Variants in ENDOD1 observed in about 807,000 individuals in gnomAD.
ENDOD1 encodes endonuclease domain-containing 1 protein.
A neutral mutation model predicts 6.5 loss-of-function variants in ENDOD1; 9 were observed. That is an observed-to-expected ratio of 1.39 (90% CI 0.84 to 2.43). The LOEUF is 2.43. Among genes scored for constraint, ENDOD1 ranks in the 30% most tolerant of loss-of-function variants. ENDOD1 has a pLI of 0.00. For synonymous variants in ENDOD1, 255 were observed against 255.2 expected, an observed-to-expected ratio of 1.00 and a Z score of 0.01; for missense variants, 648 against 635.5, an observed-to-expected ratio of 1.02 and a Z score of -0.21.
rs899984148 is a variant in ENDOD1 at position 95,089,906 on chromosome 11, C to T, written c.-22C>T. The T allele has an allele frequency of 2.1e-5, 29 of 1,353,334 alleles. No homozygotes were observed. The highest frequency in any genetic ancestry group is 1.1e-4 in the African/African-American group (7 of 65,172). 83.8% of individuals were successfully genotyped at this position (1,353,334 alleles called of 1,614,324 possible). A position where few individuals can be genotyped will look rare whatever the true frequency, so the allele number is the denominator to read the frequency against. ...CCGCGGCAGCCCAGCCGCTCGGCCC[C>T]GCCGCGCTCGCAGAGGCCGCCATGG... On this transcript the variant is annotated 5_prime_UTR_variant, in exon 1 of 2. Transcript: ENST00000278505.
chr11:95,114,982 T>A (rs1859191659), intron 1 of ENDOD1, among the ~76,000 whole-genome samples: 1 of 152,244 alleles, frequency 6.6e-6, no homozygotes, highest in African/African-American at 2.4e-5. Flanking sequence ...TTCTGGGTCT[T>A]CTATGGTTCC....
rs936948850 is a variant in ENDOD1 at position 95,105,359 on chromosome 11, A to T, written c.300+15132A>T. ...ACTTGAAATCATCTGTAGATTACTT[A>T]TAATACCTGGTACAATGTAAATGCT... On this transcript the variant is annotated intron_variant, in intron 1 of 1. Coordinates refer to ENST00000278505, the MANE Select transcript of ENDOD1 (RefSeq NM_015036.3). Among the ~76,000 whole-genome samples the T allele has an allele frequency of 4.6e-5, 7 of 152,376 alleles. No homozygotes were observed. In the South Asian group the frequency reaches 1.2e-3, roughly 27 times the overall value.
chr11:95,121,987 CA>C (rs1183630778), intron 1 of ENDOD1, among the ~76,000 whole-genome samples: 2 of 152,072 alleles, frequency 1.3e-5, no homozygotes, highest in African/African-American at 2.4e-5. Flanking sequence ...GTGGTGTGTG[CA>C]AATGAGCAGG....
At position 95,128,627 on chromosome 11, in the gene ENDOD1, G is replaced by A. The variant is rs1422407923; in HGVS notation, c.551G>A (p.Arg184Gln). 33 of 1,614,156 alleles carry A rather than the reference G, an allele frequency of 2.0e-5. No homozygotes were observed. The highest frequency in any genetic ancestry group is 6.6e-5 in the South Asian group (6 of 91,082). ...WYVNLHSLMD[R>Q]ALTPQCGSGE... ...GTGAATCTCCACAGCCTAATGGACC[G>A]GGCTTTGACCCCACAGTGTGGCAGT... Residue 184 changes from arginine (R) to glutamine (Q), a missense_variant, in exon 2 of 2, where the codon CGG becomes CAG. Physicochemically the swap from Arg to Gln is conservative, Grantham distance 43 (BLOSUM62 1). Coordinates refer to ENST00000278505, the MANE Select transcript of ENDOD1 (RefSeq NM_015036.3).
intron 1 of ENDOD1, among the ~76,000 whole-genome samples, chr11:95,098,623 C>T (rs557529142): frequency 6.6e-6 from 1 of 151,982 alleles, no homozygotes; most frequent in East Asian, 1.9e-4. Context: ...TTCAGGTATT[C>T]AATTGACCTT....
Position 95,090,127 on chromosome 11 carries a change from C to T in ENDOD1, c.200C>T (p.Thr67Ile), listed in dbSNP as rs1858912773. The stretch of plus-strand genomic sequence containing the variant: ...GCGGAGGGTGCTGAGCGCTTCGCCA[C>T]CCTCTACAGCACCCGGGACCGCATC... ...QRAEGAERFATLYSTRDRIPV... is the reference protein window; with the variant it reads ...QRAEGAERFAILYSTRDRIPV... The change falls in exon 1 of 2, where the codon ACC becomes ATC. Residue 67 changes from threonine to isoleucine, a missense_variant. By Grantham distance (89) the Thr-to-Ile change is moderately conservative (BLOSUM62 -1). Coordinates refer to ENST00000278505, the MANE Select transcript of ENDOD1 (RefSeq NM_015036.3). 1 of 1,553,840 alleles carries T rather than the reference C, an allele frequency of 6.4e-7. No individual in the cohort carries two copies.
chr11:95,093,147 A>G (rs782268121), intron 1 of ENDOD1, among the ~76,000 whole-genome samples: 1 of 152,238 alleles, frequency 6.6e-6, no homozygotes, highest in Non-Finnish European at 1.5e-5. Flanking sequence ...TTGCCTGCCC[A>G]GCCCCTACAG....
intron 1 of ENDOD1, among the ~76,000 whole-genome samples, chr11:95,117,307 G>T (rs1859220468): frequency 6.6e-6 from 1 of 152,198 alleles, no homozygotes. Flanking sequence ...TACCTGGGAG[G>T]GTGAGGCAGG....
chr11:95,108,884 G>C (rs1351194815), intron 1 of ENDOD1, among the ~76,000 whole-genome samples: 1 of 152,154 alleles, frequency 6.6e-6, no homozygotes, highest in Admixed American at 6.5e-5. Context: ...TTAGGCCCCT[G>C]TAGGCAGCTC....
chr11:95,129,524 G>A lies in ENDOD1; in HGVS notation c.1448G>A (p.Ser483Asn), dbSNP rs1480988908. 1.2e-6 allele frequency: 2 copies of A among 1,614,150 alleles called. No homozygotes were observed. Among genetic ancestry groups the A allele is most frequent in the Non-Finnish European group, 1.7e-6 (2 of 1,180,024 alleles). The change falls in exon 2 of 2, where the codon AGT becomes AAT. Residue 483 changes from serine to asparagine, a missense_variant. Transcript: ENST00000278505. ...GGTGGCCTATTTCAGGTGGTTTTTA[G>A]TGTCTGCAAGCGGATTGGCTACAAG... The part of the protein sequence containing the change: ...TLGGLFQVVF[S>N]VCKRIGYKVT...
At chr11:95,102,928 C>T (rs868977005) in intron 1 of ENDOD1, among the ~76,000 whole-genome samples, 24 of 152,072 alleles carry the variant, frequency 1.6e-4, no homozygotes, top group Non-Finnish European at 2.6e-4. Context: ...CAGATGAGAG[C>T]GACTCATAAT....
At chr11:95,128,355 A>T (rs906553355) in intron 1 of ENDOD1, 22 bp from the exon 2 acceptor site, 2 of 1,599,576 alleles carry the variant, frequency 1.3e-6, no homozygotes, top group African/African-American at 2.7e-5. Flanking sequence ...GATGCATCTC[A>T]CCACTTGTTT....
intron 1 of ENDOD1, among the ~76,000 whole-genome samples, chr11:95,102,409 T>A (rs1219856526): frequency 6.7e-6 from 1 of 148,828 alleles, no homozygotes; most frequent in Non-Finnish European, 1.5e-5. Flanking sequence ...TGGTGGCTCA[T>A]GCCTGTAATC....
At chr11:95,112,154 C>G (rs559948441) in intron 1 of ENDOD1, among the ~76,000 whole-genome samples, 1 of 152,362 alleles carries the variant, frequency 6.6e-6, no homozygotes, top group African/African-American at 2.4e-5. Flanking sequence ...TGATCATCCC[C>G]TAGCCAAAGC....
rs535151104 is a variant in ENDOD1, at chr11:95,099,104, C to T, written c.300+8877C>T. Among the ~76,000 whole-genome samples, 15 of 152,240 alleles carry T rather than the reference C, an allele frequency of 9.9e-5. No homozygotes were observed. In the South Asian group the frequency reaches 1.5e-3, roughly 15 times the overall value. On this transcript the variant is annotated intron_variant, in intron 1 of 1. Coordinates refer to ENST00000278505, the MANE Select transcript of ENDOD1 (RefSeq NM_015036.3). ...GGTTATTGCAAGTACTCCATTGGGC[C>T]GAGGGTGCTCTGCCCCCTTGTACAG...
intron 1 of ENDOD1, among the ~76,000 whole-genome samples, chr11:95,113,738 GA>G (rs1205591024): frequency 2.0e-5 from 3 of 152,210 alleles, no homozygotes; most frequent in African/African-American, 7.2e-5. Context: ...TCGATATACT[GA>G]TTTTCTTTCT....
chr11:95,111,593 G>C (rs560038368), intron 1 of ENDOD1, among the ~76,000 whole-genome samples: 18 of 152,000 alleles, frequency 1.2e-4, no homozygotes, highest in Admixed American at 1.1e-3. Flanking sequence ...ACACAACCTA[G>C]ATCCCTCACA....
chr11:95,121,095 A>G (rs1007852762), intron 1 of ENDOD1, among the ~76,000 whole-genome samples: 1 of 152,170 alleles, frequency 6.6e-6, no homozygotes, highest in Non-Finnish European at 1.5e-5. Context: ...CTATGTTTTT[A>G]GTACCTCTTT....
intron 1 of ENDOD1, among the ~76,000 whole-genome samples, chr11:95,104,463 A>G (rs908450815): frequency 3.0e-4 from 45 of 151,842 alleles, no homozygotes; most frequent in African/African-American, 8.2e-4. Context: ...AAAAAAAAAA[A>G]AAAGAAAGAA....
Sources: gnomAD v4.1 joint callset for allele counts (sites outside exome capture counted in the v4.1 genomes callset) on GRCh38, gnomAD v4.1.1 for gene constraint, MANE v1.5 for transcripts, NCBI Gene and HGNC (gene_info 2026-07-23, HGNC 2026-07-21) for gene names.